BCL11B: variants seen among roughly 807,000 people sequenced by gnomAD.
BCL11B encodes BCL11 transcription factor B, also known as B-cell lymphoma/leukemia 11B.
In BCL11B, 8 loss-of-function variants were observed where a neutral mutation model predicts 49.9. The observed-to-expected ratio is 0.16, with a 90% CI of 0.09 to 0.29. The LOEUF is 0.29. Ranked by LOEUF, BCL11B falls within the 10% of genes least tolerant of loss-of-function variation. BCL11B has a pLI of 1.00. For synonymous variants in BCL11B, 739 were observed against 637.4 expected, an observed-to-expected ratio of 1.16 and a Z score of -2.40; for missense variants, 1,006 against 1,351.0, an observed-to-expected ratio of 0.74 and a Z score of 4.00.
In BCL11B at chr14:99,169,681, C is replaced by G; in HGVS notation, c.*4470G>C. On this transcript the variant is annotated 3_prime_UTR_variant, in exon 4 of 4. Transcript: ENST00000357195. Reference sequence around the variant, plus strand: ...GCCTTGCCAGTACAAATGCAAACAACTTAAATCAATGGGACTTTGCTTTGC... The same window carrying G: ...GCCTTGCCAGTACAAATGCAAACAAGTTAAATCAATGGGACTTTGCTTTGC... The G allele has an allele frequency of 4.6e-6, 1 of 219,242 alleles. No homozygotes were observed. The highest frequency in any genetic ancestry group is 9.2e-6 in the Non-Finnish European group (1 of 108,900). 13.6% of individuals were successfully genotyped at this position (219,242 alleles called of 1,614,324 possible).
chr14:99,202,004 G>C (rs1373107644), intron 3 of BCL11B, among the ~76,000 whole-genome samples: 2 of 152,222 alleles, frequency 1.3e-5, no homozygotes, highest in Admixed American at 1.3e-4. Context: ...TTTCGGTAGA[G>C]ACAGTTCACT....
In BCL11B at chr14:99,221,645, G is replaced by A. The variant is rs144335019; in HGVS notation, c.640+9700C>T. Among the ~76,000 whole-genome samples, 817 of 152,366 alleles carry A rather than the reference G, an allele frequency of 5.4e-3. 8 individuals are homozygous for A. Among genetic ancestry groups the A allele is most frequent in the Non-Finnish European group, 5.9e-3 (399 of 68,034 alleles). On this transcript the variant is annotated intron_variant, in intron 3 of 3. Transcript: ENST00000357195. ...TGCCCACGTGGGCCCCAGGCTCGAG[G>A]AGGCTTGGATTCAAATCCCACCTGT...
At position 99,173,755 on chromosome 14, in the gene BCL11B, G is replaced by A. The variant is rs1376130622; in HGVS notation, c.*396C>T. The A allele has an allele frequency of 1.6e-5, 4 of 243,044 alleles. No individual in the cohort carries two copies. The East Asian group carries it at 1.8e-4, about 11-fold the overall frequency. The allele number at this position is 243,044 out of a possible 1,614,324, so 15.1% of individuals were successfully genotyped here. On this transcript the variant is annotated 3_prime_UTR_variant, in exon 4 of 4. Coordinates refer to ENST00000357195, the MANE Select transcript of BCL11B (RefSeq NM_138576.4). ...CCCCAAATTATAATTTAAAAGATATGCTTCCCCTCTAACATTGCTTGCGAG... is the reference window on the plus strand; with the variant it reads ...CCCCAAATTATAATTTAAAAGATATACTTCCCCTCTAACATTGCTTGCGAG...
At chr14:99,249,690 A>ATCTCTGGGCT (rs1198288928) in intron 2 of BCL11B, among the ~76,000 whole-genome samples, 166 of 152,312 alleles carry the variant, frequency 1.1e-3, no homozygotes, top group African/African-American at 3.8e-3. Flanking sequence ...ATAACTTAAC[A>ATCTCTGGGCT]TCTCTGGGCT....
intron 3 of BCL11B, among the ~76,000 whole-genome samples, chr14:99,211,622 C>T (rs761253700): frequency 1.6e-4 from 25 of 152,184 alleles, no homozygotes; most frequent in Middle Eastern, 3.2e-3. Context: ...CACAAACACA[C>T]GTGCACACAC....
At position 99,175,538 on chromosome 14, in the gene BCL11B, C is replaced by G; in HGVS notation, c.1298G>C (p.Gly433Ala). 6.2e-7 allele frequency: 1 copy of G among 1,605,412 alleles called. No homozygotes were observed. Among genetic ancestry groups the G allele is most frequent in the Non-Finnish European group, 8.5e-7 (1 of 1,175,336 alleles). ...ATTGCTCTGGAACTTGAAGGTCTTG[C>G]CGCAGAACTCGCACGACTTGCTCTT... ...PAKSKSCEFC[G>A]KTFKFQSNLI... The change falls in exon 4 of 4, where the codon GGC becomes GCC. Residue 433 changes from glycine to alanine, a missense_variant. This residue lies in a region of BCL11B where 15 missense variants were observed against 75.3 expected (regional missense o/e 0.20). Coordinates refer to ENST00000357195, the MANE Select transcript of BCL11B (RefSeq NM_138576.4).
Position 99,231,258 on chromosome 14 carries a change from C to T in BCL11B, c.640+87G>A. 1 of 1,429,522 alleles carries T rather than the reference C, an allele frequency of 7.0e-7. No homozygotes were observed. Among genetic ancestry groups the T allele is most frequent in the Non-Finnish European group, 9.5e-7 (1 of 1,053,866 alleles). 88.6% of individuals were successfully genotyped at this position (1,429,522 alleles called of 1,614,324 possible). On this transcript the variant is annotated intron_variant, in intron 3 of 3. Coordinates refer to ENST00000357195, the MANE Select transcript of BCL11B (RefSeq NM_138576.4). The surrounding 1 kb of genome is among the most constrained non-coding windows in gnomAD (Gnocchi z 8.1). Reference sequence around the variant, plus strand: ...CTTCTGGGTGGGAGCTGCCCTTCCTCCCTGGGTCCCCACCTTGCTCCAGCG... The same window carrying T: ...CTTCTGGGTGGGAGCTGCCCTTCCTTCCTGGGTCCCCACCTTGCTCCAGCG...
chr14:99,249,901 G>A (rs901368392), intron 2 of BCL11B, among the ~76,000 whole-genome samples: 7 of 152,138 alleles, frequency 4.6e-5, no homozygotes, highest in Non-Finnish European at 1.0e-4. Context: ...GCCGAGGCGG[G>A]TGGATCACCT....
In BCL11B at chr14:99,248,433, T is replaced by C. The variant is rs1043378805; in HGVS notation, c.427+9038A>G. 2.6e-5 allele frequency among the ~76,000 whole-genome samples: 4 copies of C among 152,122 alleles called. No homozygotes were observed. The highest frequency in any genetic ancestry group is 9.7e-5 in the African/African-American group (4 of 41,416). ...AGGTCACTGGCCGCCCCCAGCAGGC[T>C]CTGGGCCAGGGTGGGTCCAGATCTT... is the stretch of plus-strand genomic sequence containing the variant. On this transcript the variant is annotated intron_variant, in intron 2 of 3. Coordinates refer to ENST00000357195, the MANE Select transcript of BCL11B (RefSeq NM_138576.4). This position sits in a 1 kb window ranked among gnomAD's most constrained non-coding sequence, Gnocchi z 4.7.
intron 3 of BCL11B, among the ~76,000 whole-genome samples, chr14:99,225,665 GA>G (rs1358814228): frequency 6.6e-6 from 1 of 152,122 alleles, no homozygotes. Flanking sequence ...AAAAAAGAAA[GA>G]AAGAAAGAAA....
chr14:99,180,716 G>GT (rs1043965070), intron 3 of BCL11B, among the ~76,000 whole-genome samples: 1 of 152,094 alleles, frequency 6.6e-6, no homozygotes, highest in Non-Finnish European at 1.5e-5. Flanking sequence ...TGCACGTTTT[G>GT]TTTTTTTATT....
At chr14:99,179,795 CA>C (rs1330455872) in intron 3 of BCL11B, among the ~76,000 whole-genome samples, 1 of 152,102 alleles carries the variant, frequency 6.6e-6, no homozygotes, top group African/African-American at 2.4e-5. Flanking sequence ...TTCCAGTCCC[CA>C]CTCCCTTCTT....
chr14:99,243,082 C>T (rs1023502065), intron 2 of BCL11B, among the ~76,000 whole-genome samples: 1 of 152,182 alleles, frequency 6.6e-6, no homozygotes, highest in Non-Finnish European at 1.5e-5. Context: ...CCTTCTGGGG[C>T]CTGAGACCAA....
chr14:99,180,123 C>T (rs1340295949), intron 3 of BCL11B, among the ~76,000 whole-genome samples: 1 of 152,162 alleles, frequency 6.6e-6, no homozygotes, highest in African/African-American at 2.4e-5. Flanking sequence ...CTGAGGGCCA[C>T]CTGCCCACAG....
chr14:99,233,663 A>G (rs759515387), intron 2 of BCL11B, among the ~76,000 whole-genome samples: 4 of 152,202 alleles, frequency 2.6e-5, no homozygotes, highest in African/African-American at 4.8e-5. Context: ...ACCGTTGCAG[A>G]GCAGGTAGAA....
chr14:99,270,024 C>T (rs1311629790), intron 1 of BCL11B, among the ~76,000 whole-genome samples: 1 of 152,070 alleles, frequency 6.6e-6, no homozygotes, highest in African/African-American at 2.4e-5. Context: ...GCCACCTTCC[C>T]GGTGCAAGTG....
rs1161696486 is a variant in BCL11B, at chr14:99,171,687, C to A, written c.*2464G>T. 4.8e-6 allele frequency: 1 copy of A among 209,392 alleles called. No individual in the cohort carries two copies. Among genetic ancestry groups the A allele is most frequent in the Non-Finnish European group, 9.7e-6 (1 of 102,970 alleles). The allele number at this position is 209,392 out of a possible 1,614,324, so 13.0% of individuals were successfully genotyped here. A position where few individuals can be genotyped will look rare whatever the true frequency, so the allele number is the denominator to read the frequency against. On this transcript the variant is annotated 3_prime_UTR_variant, in exon 4 of 4. Transcript: ENST00000357195. ...TACTTTTTCTACATGGTGTAGCAATCCCCTTTGAATCCCCAAATACAAGTT... is the reference window on the plus strand; with the variant it reads ...TACTTTTTCTACATGGTGTAGCAATACCCTTTGAATCCCCAAATACAAGTT...
intron 2 of BCL11B, among the ~76,000 whole-genome samples, chr14:99,240,764 T>G (rs1888645109): frequency 6.6e-6 from 1 of 152,194 alleles, no homozygotes; most frequent in South Asian, 2.1e-4. Context: ...GTGTAAAAAT[T>G]AACACTTCGC....
In BCL11B at chr14:99,192,535, C is replaced by T. The variant is rs927153945; in HGVS notation, c.641-16340G>A. Among the ~76,000 whole-genome samples, 5 of 152,176 alleles carry T rather than the reference C, an allele frequency of 3.3e-5. No homozygotes were observed. Among genetic ancestry groups the T allele is most frequent in the African/African-American group, 9.7e-5 (4 of 41,438 alleles). On this transcript the variant is annotated intron_variant, in intron 3 of 3. Transcript: ENST00000357195. This position sits in a 1 kb window ranked among gnomAD's most constrained non-coding sequence, Gnocchi z 4.0. Reference sequence around the variant, plus strand: ...TTTCACCTCGTCCTCGCCACACACACCCAGGCCCAGCCCCGCTGCCTCCTC... The same window carrying T: ...TTTCACCTCGTCCTCGCCACACACATCCAGGCCCAGCCCCGCTGCCTCCTC...
Sources: allele counts gnomAD v4.1 joint callset (sites outside exome capture counted in the v4.1 genomes callset), GRCh38; gene constraint gnomAD v4.1.1; regional missense constraint gnomAD v4.1.1; non-coding constraint Gnocchi (gnomAD v3.1); transcripts MANE v1.5; gene names NCBI Gene and HGNC (gene_info 2026-07-23, HGNC 2026-07-21).